Variants in KLHL1 observed in about 807,000 individuals in gnomAD.
The protein encoded by KLHL1 is kelch-like protein 1.
KLHL1 carries 47 observed loss-of-function variants against 77.7 expected under a neutral mutation model. That is an observed-to-expected ratio of 0.60 (90% CI 0.48 to 0.77). KLHL1 has a LOEUF of 0.77. KLHL1 is among the 30% of genes least tolerant of loss of function. The pLI is 0.00. For missense variants in KLHL1, 925 were observed against 910.8 expected (o/e 1.02, Z -0.20); for synonymous variants, 360 against 325.2 (o/e 1.11, Z -1.15).
chr13:69,863,238 A>T (rs1483637863), intron 5 of KLHL1, among the ~76,000 whole-genome samples: 1 of 152,062 alleles, frequency 6.6e-6, no homozygotes, highest in Non-Finnish European at 1.5e-5. Context: ...CAGTACTCAG[A>T]GATACTGAAA....
At chr13:70,016,382 C>A (rs921076638) in intron 1 of KLHL1, among the ~76,000 whole-genome samples, 1 of 152,192 alleles carries the variant, frequency 6.6e-6, no homozygotes, top group Admixed American at 6.5e-5. Context: ...TGGACCAGGA[C>A]GAGGGAATCC....
At chr13:69,719,238 G>T (rs762805569) in intron 9 of KLHL1, 131 bp downstream of exon 9, 6 of 644,634 alleles carry the variant, frequency 9.3e-6, no homozygotes, top group Non-Finnish European at 1.1e-5. Flanking sequence ...GAGAGAGAAA[G>T]GAGTTAAAAA....
chr13:69,780,652 T>C (rs984300317), intron 7 of KLHL1, among the ~76,000 whole-genome samples: 5 of 138,428 alleles, frequency 3.6e-5, no homozygotes, highest in African/African-American at 1.3e-4. Context: ...AGGAAAAGAC[T>C]GATGATAAAT....
chr13:69,755,524 CATT>C (rs1297560869), intron 7 of KLHL1, among the ~76,000 whole-genome samples: 1 of 151,956 alleles, frequency 6.6e-6, no homozygotes, highest in African/African-American at 2.4e-5. Flanking sequence ...TATGTAGTAA[CATT>C]ATACAAGCTT....
intron 5 of KLHL1, among the ~76,000 whole-genome samples, chr13:69,861,309 T>C (rs1880148493): frequency 6.6e-6 from 1 of 152,110 alleles, no homozygotes; most frequent in African/African-American, 2.4e-5. Flanking sequence ...CTCCACCTTT[T>C]TGTGGCTTTT....
intron 8 of KLHL1, among the ~76,000 whole-genome samples, chr13:69,726,771 C>T (rs1593777006): frequency 6.6e-6 from 1 of 152,262 alleles, no homozygotes; most frequent in South Asian, 2.1e-4. Context: ...GTTTCCTCTG[C>T]TCCAACTCTA....
At chr13:70,094,282 C>T (rs1023938718) in intron 1 of KLHL1, among the ~76,000 whole-genome samples, 1 of 151,970 alleles carries the variant, frequency 6.6e-6, no homozygotes, top group African/African-American at 2.4e-5. Context: ...GCTAGGATCA[C>T]ACCACTGCAC....
At chr13:69,766,116 A>G (rs1875288542) in intron 7 of KLHL1, among the ~76,000 whole-genome samples, 1 of 152,182 alleles carries the variant, frequency 6.6e-6, no homozygotes, top group Admixed American at 6.5e-5. Flanking sequence ...GATACAAATA[A>G]TCTGTAAACA....
At position 70,086,614 on chromosome 13, in the gene KLHL1, G is replaced by A. The variant is rs374750237; in HGVS notation, c.497+20589C>T. Among the ~76,000 whole-genome samples the A allele has an allele frequency of 4.4e-3, 299 of 67,348 alleles. 13 individuals are homozygous for A. Among genetic ancestry groups the A allele is most frequent in the Middle Eastern group, 6.9e-3 (1 of 144 alleles). 44.2% of individuals were successfully genotyped at this position (67,348 alleles called of 152,430 possible). On this transcript the variant is annotated intron_variant, in intron 1 of 10. Coordinates refer to ENST00000377844, the MANE Select transcript of KLHL1 (RefSeq NM_020866.3). Reference sequence around the variant, plus strand: ...AAAAAGAAAGAAAGAAAGAAAGAAAGAAAGAAAGAAAGAAAGAAAAAAGAA... The same window carrying A: ...AAAAAGAAAGAAAGAAAGAAAGAAAAAAAGAAAGAAAGAAAGAAAAAAGAA...
At chr13:69,975,014 C>T (rs1202049166) in intron 2 of KLHL1, among the ~76,000 whole-genome samples, 3 of 151,974 alleles carry the variant, frequency 2.0e-5, no homozygotes, top group Admixed American at 1.3e-4. Context: ...TTAAATTCAA[C>T]GTCCATATTG....
chr13:69,974,105 T>G (rs144423217), intron 2 of KLHL1, among the ~76,000 whole-genome samples: 1 of 152,004 alleles, frequency 6.6e-6, no homozygotes, highest in Non-Finnish European at 1.5e-5. Context: ...CTCTTTAAAA[T>G]AGTAATGTAC....
chr13:69,856,820 T>G (rs1040247842), intron 5 of KLHL1, among the ~76,000 whole-genome samples: 3 of 152,080 alleles, frequency 2.0e-5, no homozygotes, highest in African/African-American at 7.2e-5. Flanking sequence ...TTTATCAAAT[T>G]TGCTACTTTC....
chr13:69,987,569 G>A (rs922451323), intron 1 of KLHL1, among the ~76,000 whole-genome samples: 1 of 151,814 alleles, frequency 6.6e-6, no homozygotes, highest in Non-Finnish European at 1.5e-5. Context: ...TGGAGTAAAG[G>A]GAATGAGGGA....
rs1373399471 is a variant in KLHL1, at chr13:69,832,234, A to G, written c.1414+6742T>C. ...CACGCAAAAAGCTCCTAGATCTGATAAAAGAATTCAGTAAAGTTTCAGGAT... is the reference window on the plus strand; with the variant it reads ...CACGCAAAAAGCTCCTAGATCTGATGAAAGAATTCAGTAAAGTTTCAGGAT... On this transcript the variant is annotated intron_variant, in intron 6 of 10. Coordinates refer to ENST00000377844, the MANE Select transcript of KLHL1 (RefSeq NM_020866.3). Among the ~76,000 whole-genome samples the G allele has an allele frequency of 2.0e-5, 3 of 150,200 alleles. No individual in the cohort carries two copies. In the East Asian group the frequency reaches 5.8e-4, roughly 29 times the overall value.
chr13:70,035,725 A>C (rs1022880078), intron 1 of KLHL1, among the ~76,000 whole-genome samples: 10 of 152,000 alleles, frequency 6.6e-5, no homozygotes, highest in African/African-American at 2.2e-4. Context: ...GAGTTTACTG[A>C]TGGAAGGGCA....
chr13:69,788,649 CTT>C (rs1491152168), intron 7 of KLHL1, among the ~76,000 whole-genome samples: 2 of 147,668 alleles, frequency 1.4e-5, no homozygotes, highest in East Asian at 2.0e-4. Context: ...TACCCTAAAA[CTT>C]AAAGTATAAT....
intron 5 of KLHL1, among the ~76,000 whole-genome samples, chr13:69,858,309 A>G (rs17798262): frequency 0.23 from 34,770 of 152,046 alleles, 4,153 homozygotes; most frequent in Non-Finnish European, 0.25. Flanking sequence ...GAGAGGAGAG[A>G]TAGACCTAAT....
At chr13:70,018,292 T>C (rs1216443475) in intron 1 of KLHL1, among the ~76,000 whole-genome samples, 2 of 152,132 alleles carry the variant, frequency 1.3e-5, no homozygotes, top group African/African-American at 2.4e-5. Flanking sequence ...AAATGGAAGA[T>C]AAAATAAATT....
At chr13:69,865,077 G>T (rs892059368) in intron 5 of KLHL1, among the ~76,000 whole-genome samples, 3 of 152,092 alleles carry the variant, frequency 2.0e-5, no homozygotes, top group African/African-American at 7.2e-5. Flanking sequence ...CTCCTGAGTA[G>T]CTGGGGCTAC....
Sources: gnomAD v4.1 joint callset for allele counts (sites outside exome capture counted in the v4.1 genomes callset) on GRCh38, gnomAD v4.1.1 for gene constraint, MANE v1.5 for transcripts, NCBI Gene and HGNC (gene_info 2026-07-23, HGNC 2026-07-21) for gene names.